COL4A3: variants seen among roughly 807,000 people sequenced by gnomAD.
COL4A3 encodes the protein collagen type IV alpha 3 chain, also known as collagen alpha-3(IV) chain.
A neutral mutation model predicts 217.4 loss-of-function variants in COL4A3; 135 were observed. The ratio of observed to expected loss-of-function variants is 0.62; its 90% CI spans 0.54 to 0.72. The LOEUF (loss-of-function observed/expected upper bound fraction) is 0.72. COL4A3 is among the 30% of genes least tolerant of loss of function. COL4A3 has a pLI of 0.00. For missense variants in COL4A3, 1,868 were observed against 2,119.9 expected (o/e 0.88, Z 2.33); for synonymous variants, 690 against 736.3 (o/e 0.94, Z 1.02).
At chr2:227,203,064 CAT>C (rs371626673) in intron 1 of COL4A3, among the ~76,000 whole-genome samples, 1 of 8,440 alleles carries the variant, frequency 1.2e-4, no homozygotes, top group African/African-American at 9.0e-4. Flanking sequence ...TGTATATATA[CAT>C]ATATGTGTAT....
At chr2:227,224,436 A>G (rs559259597) in intron 1 of COL4A3, among the ~76,000 whole-genome samples, 2 of 152,342 alleles carry the variant, frequency 1.3e-5, no homozygotes, top group Non-Finnish European at 2.9e-5. Flanking sequence ...GAAAAAACAA[A>G]CAAACAAACA....
chr2:227,279,770 T>C (rs1559893747), intron 28 of COL4A3, 23 bp from the exon 29 acceptor site: 1 of 1,498,984 alleles, frequency 6.7e-7, no homozygotes, highest in Non-Finnish European at 9.2e-7. Flanking sequence ...CCTACAACAA[T>C]GTTTATTGTT....
chr2:227,311,818 A>T lies in COL4A3; in HGVS notation c.4961A>T (p.Glu1654Val). 6.2e-7 allele frequency: 1 copy of T among 1,614,054 alleles called. No individual in the cohort carries two copies. Among genetic ancestry groups the T allele is most frequent in the Non-Finnish European group, 8.5e-7 (1 of 1,179,998 alleles). Residue 1654 changes from glutamate to valine, a missense_variant, in exon 52 of 52, where the codon GAA becomes GTA. Coordinates refer to ENST00000396578, the MANE Select transcript of COL4A3 (RefSeq NM_000091.5). ...ATTCCATCAACTGTGAAAGCTGGGG[A>T]ATTAGAAAAAATAATAAGTCGCTGT... is the stretch of plus-strand genomic sequence containing the variant. The part of the protein sequence containing the change: ...KPIPSTVKAG[E>V]LEKIISRCQV...
intron 43 of COL4A3, among the ~76,000 whole-genome samples, chr2:227,300,879 T>C (rs1039568380): frequency 2.6e-5 from 4 of 151,734 alleles, no homozygotes; most frequent in African/African-American, 7.3e-5. Flanking sequence ...TCCAAGAAAA[T>C]AGGAAAAGCC....
Position 227,250,053 on chromosome 2 carries a change from C to G in COL4A3, c.547-1087C>G, listed in dbSNP as rs899975281. 1.3e-5 allele frequency among the ~76,000 whole-genome samples: 2 copies of G among 152,186 alleles called. No individual in the cohort carries two copies. The highest frequency in any genetic ancestry group is 4.8e-5 in the African/African-American group (2 of 41,448). On this transcript the variant is annotated intron_variant, in intron 9 of 51. Transcript: ENST00000396578. The surrounding 1 kb of genome is among the most constrained non-coding windows in gnomAD (Gnocchi z 4.1). ...TTAAGGCTGGGCACAGTGCTCACAC[C>G]TGTAATCCCAGCACTTTGGGAGGCC...
intron 37 of COL4A3, among the ~76,000 whole-genome samples, chr2:227,291,359 C>A (rs904791967): frequency 3.3e-5 from 5 of 151,692 alleles, no homozygotes; most frequent in African/African-American, 1.2e-4. Context: ...GTCAGGAGAT[C>A]GAGACCATCT....
chr2:227,286,308 A>G (rs1279063847), intron 34 of COL4A3, among the ~76,000 whole-genome samples: 3 of 142,800 alleles, frequency 2.1e-5, no homozygotes, highest in African/African-American at 7.6e-5. Context: ...CCTGGCCAAC[A>G]TGGCAAAACC....
chr2:227,206,531 A>G (rs2067107859), intron 1 of COL4A3, among the ~76,000 whole-genome samples: 1 of 152,188 alleles, frequency 6.6e-6, no homozygotes, highest in Admixed American at 6.5e-5. Flanking sequence ...AGCAGCAAAA[A>G]GTGAGTTAGT....
intron 2 of COL4A3, among the ~76,000 whole-genome samples, chr2:227,238,751 C>T (rs12622213): frequency 0.077 from 11,646 of 152,076 alleles, 551 homozygotes; most frequent in Admixed American, 0.14. Flanking sequence ...AATGTGTATG[C>T]TAATTATAAT....
chr2:227,202,931 AT>A (rs2066801565), intron 1 of COL4A3, among the ~76,000 whole-genome samples: 1 of 40,558 alleles, frequency 2.5e-5, no homozygotes, highest in African/African-American at 1.5e-4. Context: ...ATGTGTATAT[AT>A]GTGTATATAT....
chr2:227,164,839 C>T lies in COL4A3; in HGVS notation c.87+26C>T, dbSNP rs956281963. 2.7e-6 allele frequency: 4 copies of T among 1,494,342 alleles called. No homozygotes were observed. Among genetic ancestry groups the T allele is most frequent in the Non-Finnish European group, 3.5e-6 (4 of 1,129,062 alleles). 92.6% of individuals were successfully genotyped at this position (1,494,342 alleles called of 1,614,324 possible). ...GTGAGTGGGGGCTGCGCGACCCCCA[C>T]CCCCGCACTTCCATCCCTCCTCCAC... On this transcript the variant is annotated intron_variant, in intron 1 of 51. Coordinates refer to ENST00000396578, the MANE Select transcript of COL4A3 (RefSeq NM_000091.5). The surrounding 1 kb of genome is among the most constrained non-coding windows in gnomAD (Gnocchi z 4.8).
intron 1 of COL4A3, among the ~76,000 whole-genome samples, chr2:227,190,830 C>T (rs1455049779): frequency 3.3e-5 from 5 of 152,128 alleles, no homozygotes; most frequent in Admixed American, 3.3e-4. Flanking sequence ...TCGCTTGACA[C>T]CAAGAGGTGA....
intron 1 of COL4A3, among the ~76,000 whole-genome samples, chr2:227,225,609 A>C (rs2068043334): frequency 6.6e-6 from 1 of 152,100 alleles, no homozygotes; most frequent in Non-Finnish European, 1.5e-5. Flanking sequence ...AGGCCAAAGC[A>C]AGTGAGAAAA....
At position 227,245,005 on chromosome 2, in the gene COL4A3, G is replaced by A. The variant is rs574132769; in HGVS notation, c.324+10G>A. The A allele has an allele frequency of 9.9e-6, 16 of 1,611,048 alleles. No individual in the cohort carries two copies. The highest frequency in any genetic ancestry group is 6.6e-5 in the South Asian group (6 of 90,998). ...TTCTCCTGGACTTCCAGTAAGTAAT[G>A]GGAAAAATCCGTAGCTAGAAAATTT... On this transcript the variant is annotated intron_variant, in intron 5 of 51. Coordinates refer to ENST00000396578, the MANE Select transcript of COL4A3 (RefSeq NM_000091.5).
In COL4A3 at chr2:227,280,510, G is replaced by C. The variant is rs764491513; in HGVS notation, c.2294G>C (p.Gly765Ala). ...PGFPGERGNSGEHGEIGLPGL... is the reference protein window; with the variant it reads ...PGFPGERGNSAEHGEIGLPGL... ...TTTCCAGGAGAAAGAGGCAATTCTGGGGAACATGGAGAAATTGGACTCCCT... is the reference window on the plus strand; with the variant it reads ...TTTCCAGGAGAAAGAGGCAATTCTGCGGAACATGGAGAAATTGGACTCCCT... The change falls in exon 30 of 52, where the codon GGG (glycine) becomes GCG (alanine). Residue 765 changes from glycine to alanine, a missense_variant. Physicochemically the swap from Gly to Ala is moderately conservative, Grantham distance 60. Transcript: ENST00000396578. 3.1e-6 allele frequency: 5 copies of C among 1,614,146 alleles called. No homozygotes were observed. The highest frequency in any genetic ancestry group is 4.2e-6 in the Non-Finnish European group (5 of 1,180,010).
chr2:227,187,090 G>GTA (rs1246346562), intron 1 of COL4A3, among the ~76,000 whole-genome samples: 1 of 152,130 alleles, frequency 6.6e-6, no homozygotes, highest in African/African-American at 2.4e-5. Flanking sequence ...GATATTTTTA[G>GTA]TACACATGAT....
chr2:227,293,382 C>G (rs2072870988), intron 38 of COL4A3, 65 bp downstream of exon 38: 1 of 1,558,844 alleles, frequency 6.4e-7, no homozygotes, highest in Admixed American at 1.8e-5. Flanking sequence ...CTCCTGAAAT[C>G]ATTGTGGTAA....
intron 1 of COL4A3, among the ~76,000 whole-genome samples, chr2:227,188,238 C>T (rs2066104375): frequency 1.3e-5 from 2 of 151,260 alleles, no homozygotes; most frequent in South Asian, 4.2e-4. Context: ...AAAAAAAAAT[C>T]ACTTTTAGTA....
chr2:227,186,202 T>G (rs2066027047), intron 1 of COL4A3, among the ~76,000 whole-genome samples: 1 of 152,210 alleles, frequency 6.6e-6, no homozygotes, highest in Admixed American at 6.5e-5. Context: ...CTTTCAGGCT[T>G]CTATCACGCC....
Sources: allele counts gnomAD v4.1 joint callset (sites outside exome capture counted in the v4.1 genomes callset), GRCh38; gene constraint gnomAD v4.1.1; non-coding constraint Gnocchi (gnomAD v3.1); transcripts MANE v1.5; gene names NCBI Gene and HGNC (gene_info 2026-07-23, HGNC 2026-07-21).